The following CUL9 variants were observed in gnomAD, a reference collection of about 807,000 sequenced individuals.
The protein encoded by CUL9 is cullin-9.
CUL9 carries 79 observed loss-of-function variants against 272.6 expected under a neutral mutation model. The ratio of observed to expected loss-of-function variants is 0.29; its 90% CI spans 0.24 to 0.35. CUL9 has a LOEUF of 0.35. Ranked by LOEUF, CUL9 falls within the 10% of genes least tolerant of loss-of-function variation. The pLI is 1.00. For missense variants in CUL9, 2,532 were observed against 3,255.6 expected, an observed-to-expected ratio of 0.78 and a Z score of 5.41; for synonymous variants, 1,186 against 1,286.5, an observed-to-expected ratio of 0.92 and a Z score of 1.67.
intron 26 of CUL9, among the ~76,000 whole-genome samples, chr6:43,208,672 AC>A (rs1775226547): frequency 1.3e-5 from 2 of 152,162 alleles, no homozygotes; most frequent in African/African-American, 4.8e-5. Flanking sequence ...TTAATAGTAT[AC>A]CAGCTTTCTT....
Position 43,187,031 on chromosome 6 carries a change from A to G in CUL9, c.1323A>G (p.Glu441=), listed in dbSNP as rs1253734188. The G allele has an allele frequency of 6.2e-7, 1 of 1,613,968 alleles. No individual in the cohort carries two copies. The highest frequency in any genetic ancestry group is 1.7e-5 in the Admixed American group (1 of 59,990). Residue 441 remains glutamate, a synonymous_variant, in exon 5 of 41, where the codon GAA becomes GAG. Coordinates refer to ENST00000252050, the MANE Select transcript of CUL9 (RefSeq NM_015089.4). ...WHMLEILGPE[E]ATEDKASAAV... ...TGCTGGAGATCCTGGGCCCTGAGGA[A>G]GCCACTGAGGATAAGGCTTCAGCAG...
rs1434595871 is a variant in CUL9 at position 43,213,486 on chromosome 6, C to T, written c.5407C>T (p.Leu1803=). ...GAAGGATTCTGACCTCTCCCCAGAGCTGCTGCTCCAGGCACTCGTGCCCCT... is the reference window on the plus strand; with the variant it reads ...GAAGGATTCTGACCTCTCCCCAGAGTTGCTGCTCCAGGCACTCGTGCCCCT... The part of the protein sequence containing the change: ...LLKDSDLSPE[L]LLQALVPLTS... Residue 1803 remains leucine (L), a synonymous_variant, in exon 28 of 41, where the codon CTG becomes TTG. Coordinates refer to ENST00000252050, the MANE Select transcript of CUL9 (RefSeq NM_015089.4). The surrounding 1 kb of genome is among the most constrained non-coding windows in gnomAD (Gnocchi z 5.7). The T allele has an allele frequency of 1.2e-6, 2 of 1,614,100 alleles. No individual in the cohort carries two copies. Among genetic ancestry groups the T allele is most frequent in the Admixed American group, 3.3e-5 (2 of 60,016 alleles).
At chr6:43,188,900 T>G (rs1052576327) in intron 8 of CUL9, 185 bp downstream of exon 8, 6 of 552,424 alleles carry the variant, frequency 1.1e-5, no homozygotes, top group Non-Finnish European at 1.6e-5. Flanking sequence ...ACTTCTGTTA[T>G]GCCAGGCACT....
chr6:43,200,845 A>C lies in CUL9; in HGVS notation c.3647+11A>C. 6.2e-7 allele frequency: 1 copy of C among 1,613,912 alleles called. No individual in the cohort carries two copies. The highest frequency in any genetic ancestry group is 8.5e-7 in the Non-Finnish European group (1 of 1,179,792). On this transcript the variant is annotated intron_variant, in intron 16 of 40. Coordinates refer to ENST00000252050, the MANE Select transcript of CUL9 (RefSeq NM_015089.4). The surrounding 1 kb of genome is among the most constrained non-coding windows in gnomAD (Gnocchi z 4.0). Reference sequence around the variant, plus strand: ...TGGTGTTCTTGTTAGGTGTGAACACACATATATGAATGTTCTGCTGTGCCC... The same window carrying C: ...TGGTGTTCTTGTTAGGTGTGAACACCCATATATGAATGTTCTGCTGTGCCC...
chr6:43,213,632 G>A lies in CUL9; in HGVS notation c.5488+65G>A. 3 of 1,595,542 alleles carry A rather than the reference G, an allele frequency of 1.9e-6. No individual in the cohort carries two copies. The highest frequency in any genetic ancestry group is 1.7e-5 in the Admixed American group (1 of 59,150). ...CGGGGGGTCGCCCTCAAGATGGGGG[G>A]ACTGTGAGAATGGGGTCATCTTAGT... On this transcript the variant is annotated intron_variant, in intron 28 of 40. Coordinates refer to ENST00000252050, the MANE Select transcript of CUL9 (RefSeq NM_015089.4). The surrounding 1 kb of genome is among the most constrained non-coding windows in gnomAD (Gnocchi z 5.7).
At chr6:43,204,647 C>A in intron 21 of CUL9, 101 bp from the exon 22 acceptor site, 2 of 1,578,906 alleles carry the variant, frequency 1.3e-6, no homozygotes, top group Non-Finnish European at 1.7e-6. Flanking sequence ...CTTTCCAGGC[C>A]CCTGAGACCT....
Position 43,221,380 on chromosome 6 carries a change from G to C in CUL9, c.6752+59G>C. ...CAAGGAGGGGGGAGGAGGCCTGGCA[G>C]AAGGAGGGGGGAACGGGCTTAGTGT... On this transcript the variant is annotated intron_variant, in intron 34 of 40. Coordinates refer to ENST00000252050, the MANE Select transcript of CUL9 (RefSeq NM_015089.4). This position sits in a 1 kb window ranked among gnomAD's most constrained non-coding sequence, Gnocchi z 4.2. The C allele has an allele frequency of 3.0e-6, 3 of 1,006,890 alleles. No individual in the cohort carries two copies. The highest frequency in any genetic ancestry group is 4.4e-6 in the Non-Finnish European group (3 of 677,462). 62.4% of individuals were successfully genotyped at this position (1,006,890 alleles called of 1,614,324 possible). A position where few individuals can be genotyped will look rare whatever the true frequency, so the allele number is the denominator to read the frequency against.
chr6:43,191,019 G>C (rs1027915569), intron 8 of CUL9, among the ~76,000 whole-genome samples: 1 of 151,742 alleles, frequency 6.6e-6, no homozygotes, highest in Non-Finnish European at 1.5e-5. Flanking sequence ...CAGACTTTTT[G>C]TTGCTACATT....
At chr6:43,208,715 A>G (rs1356159128) in intron 26 of CUL9, among the ~76,000 whole-genome samples, 1 of 151,922 alleles carries the variant, frequency 6.6e-6, no homozygotes. Flanking sequence ...ATATTTTTCT[A>G]TCTTTAGCTT....
At chr6:43,201,736 C>T (rs1427433720) in intron 16 of CUL9, among the ~76,000 whole-genome samples, 2 of 152,216 alleles carry the variant, frequency 1.3e-5, no homozygotes, top group Admixed American at 6.5e-5. Context: ...GCCTTGGCCT[C>T]CCAAAGTGCT....
At position 43,223,015 on chromosome 6, in the gene CUL9, T is replaced by A; in HGVS notation, c.7150+119T>A. The A allele has an allele frequency of 2.1e-6, 2 of 950,308 alleles. No homozygotes were observed. Among genetic ancestry groups the A allele is most frequent in the Non-Finnish European group, 3.2e-6 (2 of 616,006 alleles). The allele number at this position is 950,308 out of a possible 1,614,324, so 58.9% of individuals were successfully genotyped here. ...CTTCCCTCTCTCCTCTTCCTCTTCA[T>A]TCTTCATGGCCTTCTCACTGCCTGG... On this transcript the variant is annotated intron_variant, in intron 38 of 40. Coordinates refer to ENST00000252050, the MANE Select transcript of CUL9 (RefSeq NM_015089.4). This position sits in a 1 kb window ranked among gnomAD's most constrained non-coding sequence, Gnocchi z 4.1.
In CUL9 at chr6:43,215,149, C is replaced by T. The variant is rs773794574; in HGVS notation, c.5759C>T (p.Ala1920Val). 6.2e-6 allele frequency: 10 copies of T among 1,614,172 alleles called. No individual in the cohort carries two copies. The South Asian group carries it at 9.9e-5, about 16-fold the overall frequency. ...GGCCACACTGTTGCTGGGGGTGTGG[C>T]CTGTACCAGTACAGATGTCCTCTCT... The part of the protein sequence containing the change: ...TLGHTVAGGV[A>V]CTSTDVLSCI... The change falls in exon 30 of 41, where the codon GCC (alanine) becomes GTC (valine). Residue 1920 changes from alanine to valine, a missense_variant. By Grantham distance (64) the Ala-to-Val change is moderately conservative (BLOSUM62 0). Coordinates refer to ENST00000252050, the MANE Select transcript of CUL9 (RefSeq NM_015089.4).
At chr6:43,222,692 T>TG (rs1276459150) in intron 37 of CUL9, 51 bp downstream of exon 37, 1 of 1,605,180 alleles carries the variant, frequency 6.2e-7, no homozygotes. Context: ...CAAATGGGTC[T>TG]GGGGGGCTTG....
intron 8 of CUL9, among the ~76,000 whole-genome samples, chr6:43,192,226 A>G (rs1400121086): frequency 6.6e-6 from 1 of 151,310 alleles, no homozygotes; most frequent in Non-Finnish European, 1.5e-5. Context: ...TATGCCAGAT[A>G]ATTTTTTGTA....
At chr6:43,185,090 C>G (rs748791810) in intron 2 of CUL9, among the ~76,000 whole-genome samples, 185 bp downstream of exon 2, 1 of 152,196 alleles carries the variant, frequency 6.6e-6, no homozygotes, top group South Asian at 2.1e-4. Flanking sequence ...ATGATAGCCT[C>G]TGGCTTATCT....
At position 43,196,743 on chromosome 6, in the gene CUL9, A is replaced by G. The variant is rs778591914; in HGVS notation, c.2684A>G (p.Asp895Gly). The part of the protein sequence containing the change: ...GDQIITQELR[D>G]TLFRHSGIAP... Reference sequence around the variant, plus strand: ...CAGATTATAACCCAAGAGCTGAGAGACACGTTGTTTAGGCACTCAGGGATA... The same window carrying G: ...CAGATTATAACCCAAGAGCTGAGAGGCACGTTGTTTAGGCACTCAGGGATA... Residue 895 changes from aspartate (D) to glycine (G), a missense_variant, in exon 11 of 41, where the codon GAC becomes GGC. Asp to Gly is a moderately conservative substitution (Grantham distance 94). Around this residue, in one of 3 missense-constraint regions of CUL9, gnomAD observed 2,218 missense variants for 2,788.6 expected, o/e 0.80. Coordinates refer to ENST00000252050, the MANE Select transcript of CUL9 (RefSeq NM_015089.4). The G allele has an allele frequency of 6.2e-7, 1 of 1,614,188 alleles. No individual in the cohort carries two copies. Among genetic ancestry groups the G allele is most frequent in the Non-Finnish European group, 8.5e-7 (1 of 1,180,010 alleles).
In CUL9 at chr6:43,188,512, AC is replaced by A. The variant is rs943736087; in HGVS notation, c.1988-9del. The A allele has an allele frequency of 1.3e-6, 2 of 1,577,854 alleles. No individual in the cohort carries two copies. The highest frequency in any genetic ancestry group is 1.7e-6 in the Non-Finnish European group (2 of 1,162,572). ...GTTCTTTTAGCCATTGCCTTTTCCC[AC>A]CAATTTCAGAAATGGCCAGAGCCTT... On this transcript the variant is annotated splice_polypyrimidine_tract_variant and intron_variant, in intron 7 of 40. Coordinates refer to ENST00000252050, the MANE Select transcript of CUL9 (RefSeq NM_015089.4).
rs370139408 is a variant in CUL9, at chr6:43,223,284, A to G, written c.7171A>G (p.Arg2391Gly). 1.3e-6 allele frequency: 2 copies of G among 1,599,650 alleles called. No homozygotes were observed. Among genetic ancestry groups the G allele is most frequent in the Non-Finnish European group, 1.7e-6 (2 of 1,173,076 alleles). Reference sequence around the variant, plus strand: ...TGCAGAGGAAACCCTGCTGCGGTGCAGAGACCTGGCCTCCTCCCTGCGCCT... The same window carrying G: ...TGCAGAGGAAACCCTGCTGCGGTGCGGAGACCTGGCCTCCTCCCTGCGCCT... ...ILLEETLLRC[R>G]DLASSLRLLR... is the part of the protein sequence containing the mutation. Residue 2391 changes from arginine (R) to glycine (G), a missense_variant, in exon 39 of 41, where the codon AGA (arginine) becomes GGA (glycine). Coordinates refer to ENST00000252050, the MANE Select transcript of CUL9 (RefSeq NM_015089.4). This position sits in a 1 kb window ranked among gnomAD's most constrained non-coding sequence, Gnocchi z 4.1.
Position 43,196,177 on chromosome 6 carries a change from G to T in CUL9, c.2497G>T (p.Ala833Ser), listed in dbSNP as rs773364205. The T allele has an allele frequency of 2.4e-5, 38 of 1,614,008 alleles. No homozygotes were observed. The highest frequency in any genetic ancestry group is 1.2e-4 in the South Asian group (11 of 91,080). Reference sequence around the variant, plus strand: ...TGCTCAGATGACCAGAGAGATCTTCGCCAGCATCGACTCAGCCACACGCCC... The same window carrying T: ...TGCTCAGATGACCAGAGAGATCTTCTCCAGCATCGACTCAGCCACACGCCC... ...FDAQMTREIFASIDSATRPGS... is the reference protein window; with the variant it reads ...FDAQMTREIFSSIDSATRPGS... The change falls in exon 10 of 41, where the codon GCC becomes TCC. Residue 833 changes from alanine to serine, a missense_variant. Around this residue, in one of 3 missense-constraint regions of CUL9, gnomAD observed 2,218 missense variants for 2,788.6 expected, o/e 0.80. Transcript: ENST00000252050.
Sources: gnomAD v4.1 joint callset for allele counts (sites outside exome capture counted in the v4.1 genomes callset) on GRCh38, gnomAD v4.1.1 for gene constraint, gnomAD v4.1.1 regional missense constraint, Gnocchi (gnomAD v3.1) non-coding constraint, MANE v1.5 for transcripts, NCBI Gene and HGNC (gene_info 2026-07-23, HGNC 2026-07-21) for gene names.